Variants in KDM4B observed in about 807,000 individuals in gnomAD.
The protein encoded by KDM4B is lysine-specific demethylase 4B.
KDM4B carries 32 observed loss-of-function variants against 125.2 expected under a neutral mutation model. The observed-to-expected ratio is 0.26, with a 90% CI of 0.19 to 0.34. The LOEUF (loss-of-function observed/expected upper bound fraction) is 0.34, where lower values mean the gene tolerates loss of function less well. KDM4B is among the 10% of genes least tolerant of loss of function. The pLI, the probability that KDM4B is intolerant of heterozygous loss-of-function variation, is 1.00. For missense variants in KDM4B, 1,190 were observed against 1,577.7 expected (o/e 0.75, Z 4.16); for synonymous variants, 721 against 677.9 (o/e 1.06, Z -0.99).
At chr19:4,972,144 A>G (rs1384253221) in intron 1 of KDM4B, among the ~76,000 whole-genome samples, 7 of 152,232 alleles carry the variant, frequency 4.6e-5, no homozygotes, top group African/African-American at 1.7e-4. Context: ...TGCCGGACAG[A>G]AGAGCAGGGG....
At chr19:5,032,658 C>G (rs371290546) in intron 2 of KDM4B, among the ~76,000 whole-genome samples, 2 of 152,248 alleles carry the variant, frequency 1.3e-5, no homozygotes, top group African/African-American at 4.8e-5. Context: ...TTCTCGTTAG[C>G]TGCAGCCCTC....
At chr19:4,993,750 A>T (rs189352565) in intron 1 of KDM4B, among the ~76,000 whole-genome samples, 73 of 152,062 alleles carry the variant, frequency 4.8e-4, no homozygotes, top group African/African-American at 1.6e-3. Context: ...AGCTGGGACT[A>T]CAGGTGTGTG....
intron 5 of KDM4B, among the ~76,000 whole-genome samples, chr19:5,043,998 G>A (rs1450390181): frequency 7.6e-6 from 1 of 131,084 alleles, no homozygotes; most frequent in Non-Finnish European, 1.6e-5. Flanking sequence ...TATCCCGCGT[G>A]GTGTTTATCG....
In KDM4B at chr19:5,149,630, C is replaced by G. The variant is rs147158862; in HGVS notation, c.3022-728C>G. Among the ~76,000 whole-genome samples, 34 of 152,372 alleles carry G rather than the reference C, an allele frequency of 2.2e-4. No individual in the cohort carries two copies. In the East Asian group the frequency reaches 6.2e-3, roughly 28 times the overall value. On this transcript the variant is annotated intron_variant, in intron 21 of 22. Transcript: ENST00000159111. ...ATGAGGTGGGCCTGGAGACACGCCC[C>G]TCCCTGGCACGCCCTTCATGGGACA...
At chr19:5,150,062 G>A (rs930469890) in intron 21 of KDM4B, among the ~76,000 whole-genome samples, 1 of 152,242 alleles carries the variant, frequency 6.6e-6, no homozygotes. Flanking sequence ...TTTTGAGCTG[G>A]GAGGAGGTGA....
chr19:5,080,482 G>T (rs970037340), intron 8 of KDM4B, among the ~76,000 whole-genome samples: 2 of 152,232 alleles, frequency 1.3e-5, no homozygotes. Flanking sequence ...GCCCAGCATC[G>T]GTAGAAGTCA....
chr19:5,131,749 C>A, intron 12 of KDM4B, 138 bp from the exon 13 acceptor site: 1 of 1,002,442 alleles, frequency 1.0e-6, no homozygotes, highest in Middle Eastern at 2.8e-4. Flanking sequence ...CAGAGGAGCC[C>A]TGTGGTTCTT....
chr19:4,989,370 C>T (rs2034957412), intron 1 of KDM4B, among the ~76,000 whole-genome samples: 1 of 152,110 alleles, frequency 6.6e-6, no homozygotes, highest in South Asian at 2.1e-4. Flanking sequence ...CAGAGTCTTG[C>T]TCTGTCGCCC....
intron 7 of KDM4B, chr19:5,074,560 G>A (rs1269651036): frequency 2.0e-5 from 3 of 152,158 alleles, no homozygotes; most frequent in African/African-American, 7.3e-5. Context: ...CACTTAAACT[G>A]TGCATTAAAA....
At chr19:5,005,095 C>T (rs533503834) in intron 1 of KDM4B, among the ~76,000 whole-genome samples, 2 of 152,286 alleles carry the variant, frequency 1.3e-5, no homozygotes, top group African/African-American at 4.8e-5. Context: ...TAGCTGCTGT[C>T]CCAGGGATCC....
chr19:4,992,467 C>A (rs761078306), intron 1 of KDM4B, among the ~76,000 whole-genome samples: 51 of 150,596 alleles, frequency 3.4e-4, no homozygotes, highest in Non-Finnish European at 7.1e-4. Context: ...TTTTTCCTTG[C>A]GATAGGATCT....
rs114199565 is a variant in KDM4B, at chr19:5,012,674, C to T, written c.-108-3583C>T. Among the ~76,000 whole-genome samples the T allele has an allele frequency of 5.0e-3, 762 of 152,274 alleles. 7 individuals carry two copies. Among genetic ancestry groups the T allele is most frequent in the African/African-American group, 0.018 (732 of 41,548 alleles). On this transcript the variant is annotated intron_variant, in intron 1 of 22. Coordinates refer to ENST00000159111, the MANE Select transcript of KDM4B (RefSeq NM_015015.3). The stretch of plus-strand genomic sequence containing the variant: ...GTCTGGCATTTTGCTCAGGCTGGCA[C>T]GCGGTGGAGGCTGTTGGGAGGACTT...
At chr19:5,131,808 G>C in intron 12 of KDM4B, 79 bp from the exon 13 acceptor site, 3 of 1,588,128 alleles carry the variant, frequency 1.9e-6, no homozygotes, top group Middle Eastern at 1.7e-4. Flanking sequence ...CAGGCACGCC[G>C]AGCCCCTGTG....
chr19:5,085,330 T>C (rs932410307), intron 9 of KDM4B, among the ~76,000 whole-genome samples: 1 of 152,132 alleles, frequency 6.6e-6, no homozygotes, highest in Non-Finnish European at 1.5e-5. Flanking sequence ...GCTGTTGCTG[T>C]GTTGAAAGGG....
At chr19:4,973,831 A>AC (rs2034345403) in intron 1 of KDM4B, among the ~76,000 whole-genome samples, 1 of 150,310 alleles carries the variant, frequency 6.7e-6, no homozygotes, top group Non-Finnish European at 1.5e-5. Flanking sequence ...TATTAAAAAA[A>AC]AAAAAAAAAA....
At position 5,119,592 on chromosome 19, in the gene KDM4B, A is replaced by G. The variant is rs975352601; in HGVS notation, c.1116-61A>G. 8 of 1,469,516 alleles carry G rather than the reference A, an allele frequency of 5.4e-6. No homozygotes were observed. In the African/African-American group the frequency reaches 9.8e-5, roughly 18 times the overall value. The allele number at this position is 1,469,516 out of a possible 1,614,324, so 91.0% of individuals were successfully genotyped here. On this transcript the variant is annotated intron_variant, in intron 10 of 22. Coordinates refer to ENST00000159111, the MANE Select transcript of KDM4B (RefSeq NM_015015.3). The stretch of plus-strand genomic sequence containing the variant: ...GGCTGCGTGCTGCCGGACAGAGTGC[A>G]CAGACCTAGGGCTCTTCCCTCCCTG...
intron 8 of KDM4B, chr19:5,080,687 T>C (rs2038264211): frequency 1.3e-5 from 2 of 152,248 alleles, no homozygotes; most frequent in South Asian, 2.1e-4. Flanking sequence ...GCGATGCCAC[T>C]CTGTGCATAT....
chr19:4,972,013 C>T lies in KDM4B; in HGVS notation c.-109+2783C>T, dbSNP rs527452079. Among the ~76,000 whole-genome samples, 35 of 152,332 alleles carry T rather than the reference C, an allele frequency of 2.3e-4. No individual in the cohort carries two copies. In the South Asian group the frequency reaches 6.6e-3, roughly 29 times the overall value. Reference sequence around the variant, plus strand: ...ATGACAGATCGGCCGTCCTCATCCACAGCCTCACCCTAGGCTCCTGGCTCA... The same window carrying T: ...ATGACAGATCGGCCGTCCTCATCCATAGCCTCACCCTAGGCTCCTGGCTCA... On this transcript the variant is annotated intron_variant, in intron 1 of 22. Transcript: ENST00000159111.
At position 5,114,990 on chromosome 19, in the gene KDM4B, C is replaced by T. The variant is rs1351446894; in HGVS notation, c.1115+4172C>T. On this transcript the variant is annotated intron_variant, in intron 10 of 22. Coordinates refer to ENST00000159111, the MANE Select transcript of KDM4B (RefSeq NM_015015.3). This position sits in a 1 kb window ranked among gnomAD's most constrained non-coding sequence, Gnocchi z 5.8. Reference sequence around the variant, plus strand: ...CTAAGTGCTTATTTATCTCCACTCTCTCCTGAAACGCCACTGAAACACCAG... The same window carrying T: ...CTAAGTGCTTATTTATCTCCACTCTTTCCTGAAACGCCACTGAAACACCAG... Among the ~76,000 whole-genome samples the T allele has an allele frequency of 6.6e-6, 1 of 152,270 alleles. No homozygotes were observed. The highest frequency in any genetic ancestry group is 1.9e-4 in the East Asian group (1 of 5,196).
Sources: allele counts gnomAD v4.1 joint callset (sites outside exome capture counted in the v4.1 genomes callset), GRCh38; gene constraint gnomAD v4.1.1; non-coding constraint Gnocchi (gnomAD v3.1); transcripts MANE v1.5; gene names NCBI Gene and HGNC (gene_info 2026-07-23, HGNC 2026-07-21).